TTC17: variants seen among roughly 807,000 people sequenced by gnomAD.
TTC17 encodes the protein tetratricopeptide repeat protein 17.
TTC17 carries 58 observed loss-of-function variants against 143.8 expected under a neutral mutation model. The observed-to-expected ratio is 0.40, with a 90% CI of 0.33 to 0.50. The LOEUF is 0.50. Among genes scored for constraint, TTC17 ranks in the 20% least tolerant of loss-of-function variants. The probability of loss-of-function intolerance (pLI) is 0.49; values close to 1 mark genes in which losing one functional copy is unlikely to be tolerated. For missense variants in TTC17, 1,273 were observed against 1,392.5 expected, an observed-to-expected ratio of 0.91 and a Z score of 1.37; for synonymous variants, 501 against 497.8, an observed-to-expected ratio of 1.01 and a Z score of -0.09.
chr11:43,412,981 G>GAC (rs57982323), intron 15 of TTC17, among the ~76,000 whole-genome samples: 11,818 of 140,250 alleles, frequency 0.084, 601 homozygotes, highest in Admixed American at 0.18. Context: ...ACCTAGAATA[G>GAC]ACACACACAC....
chr11:43,481,508 A>G (rs778771523), intron 21 of TTC17, among the ~76,000 whole-genome samples: 16 of 152,182 alleles, frequency 1.1e-4, no homozygotes, highest in Admixed American at 2.0e-4. Flanking sequence ...ATCTGGTCCT[A>G]GAGTTCTCTT....
chr11:43,358,996 G>T lies in TTC17; in HGVS notation c.42G>T (p.Pro14=). The change falls in exon 1 of 24, where the codon CCG becomes CCT. Residue 14 remains proline, a synonymous_variant. Coordinates refer to ENST00000039989, the MANE Select transcript of TTC17 (RefSeq NM_018259.6). ...GGGTTCGTGGCCGGTACGAGCTGCCGCCTTGCTCCGGCCCAGGCTGGCTCC... is the reference window on the plus strand; with the variant it reads ...GGGTTCGTGGCCGGTACGAGCTGCCTCCTTGCTCCGGCCCAGGCTGGCTCC... ...AVGVRGRYEL[P]PCSGPGWLLS... The T allele has an allele frequency of 6.3e-7, 1 of 1,584,286 alleles. No individual in the cohort carries two copies. The highest frequency in any genetic ancestry group is 8.6e-7 in the Non-Finnish European group (1 of 1,165,996).
chr11:43,402,616 A>G (rs74925921), intron 10 of TTC17, among the ~76,000 whole-genome samples: 12,627 of 152,192 alleles, frequency 0.083, 877 homozygotes, highest in Admixed American at 0.23. Flanking sequence ...GAGCACTGAC[A>G]TGATGCTCAA....
At chr11:43,434,231 ACT>A (rs1302581191) in intron 16 of TTC17, among the ~76,000 whole-genome samples, 30 of 106,508 alleles carry the variant, frequency 2.8e-4, no homozygotes, top group Non-Finnish European at 5.4e-4. Flanking sequence ...ACACACACAC[ACT>A]CTCATGGCCT....
chr11:43,462,031 A>C (rs987094759), intron 21 of TTC17, among the ~76,000 whole-genome samples: 1 of 151,948 alleles, frequency 6.6e-6, no homozygotes, highest in Non-Finnish European at 1.5e-5. Flanking sequence ...AGACCCAAGC[A>C]CATCAGTAGT....
At chr11:43,365,253 A>G (rs1321641536) in intron 1 of TTC17, among the ~76,000 whole-genome samples, 1 of 152,054 alleles carries the variant, frequency 6.6e-6, no homozygotes, top group African/African-American at 2.4e-5. Flanking sequence ...AGTGCATACC[A>G]CCACACCTGG....
chr11:43,358,959 C>T lies in TTC17; in HGVS notation c.5C>T (p.Ala2Val), dbSNP rs934555139. M[A>V]AAVGVRGRYE... The stretch of plus-strand genomic sequence containing the variant: ...CGGCCCGGCCGGGGGGGCAAGATGG[C>T]GGCGGCAGTAGGGGTTCGTGGCCGG... Residue 2 changes from alanine (A) to valine (V), a missense_variant, in exon 1 of 24, where the codon GCG becomes GTG. Ala to Val is a moderately conservative substitution (Grantham distance 64). Transcript: ENST00000039989. The T allele has an allele frequency of 1.9e-6, 3 of 1,571,826 alleles. No homozygotes were observed. Among genetic ancestry groups the T allele is most frequent in the Non-Finnish European group, 1.7e-6 (2 of 1,159,954 alleles).
chr11:43,484,218 A>G (rs538729685), intron 21 of TTC17, among the ~76,000 whole-genome samples: 1 of 152,356 alleles, frequency 6.6e-6, no homozygotes, highest in Non-Finnish European at 1.5e-5. Flanking sequence ...TGATATGATT[A>G]TCTGTATAGT....
At chr11:43,489,567 A>G (rs529122719) in intron 21 of TTC17, among the ~76,000 whole-genome samples, 4 of 152,092 alleles carry the variant, frequency 2.6e-5, no homozygotes, top group South Asian at 4.2e-4. Flanking sequence ...GTGAAACTCT[A>G]TCTCTACTAA....
rs1855975944 is a variant in TTC17 at position 43,358,984 on chromosome 11, G to C, written c.30G>C (p.Arg10=). The change falls in exon 1 of 24, where the codon CGG becomes CGC. Residue 10 remains arginine, a synonymous_variant. Coordinates refer to ENST00000039989, the MANE Select transcript of TTC17 (RefSeq NM_018259.6). ...CGGCGGCAGTAGGGGTTCGTGGCCG[G>C]TACGAGCTGCCGCCTTGCTCCGGCC... MAAAVGVRG[R]YELPPCSGPG... is the part of the protein sequence containing the mutation. 3 of 1,580,608 alleles carry C rather than the reference G, an allele frequency of 1.9e-6. No individual in the cohort carries two copies. In the African/African-American group the frequency reaches 4.2e-5, roughly 22 times the overall value.
At chr11:43,359,785 T>G (rs540585656) in intron 1 of TTC17, among the ~76,000 whole-genome samples, 4 of 152,354 alleles carry the variant, frequency 2.6e-5, no homozygotes, top group Admixed American at 2.6e-4. Context: ...GCACTTTGCT[T>G]TGTTTCTTTA....
At chr11:43,453,692 G>A (rs1227541216) in intron 21 of TTC17, among the ~76,000 whole-genome samples, 2 of 152,160 alleles carry the variant, frequency 1.3e-5, no homozygotes, top group Non-Finnish European at 2.9e-5. Context: ...ATAGAGCCAA[G>A]ACTGAATAAT....
At chr11:43,411,530 G>A (rs1471660616) in intron 15 of TTC17, among the ~76,000 whole-genome samples, 2 of 151,924 alleles carry the variant, frequency 1.3e-5, no homozygotes, top group Non-Finnish European at 2.9e-5. Flanking sequence ...GGTCTATGAA[G>A]GCAGCAGTTA....
At chr11:43,389,192 CG>C (rs913682379) in intron 2 of TTC17, among the ~76,000 whole-genome samples, 8 of 150,888 alleles carry the variant, frequency 5.3e-5, no homozygotes, top group African/African-American at 2.0e-4. Flanking sequence ...ATGATAGATA[CG>C]GGTGGTGAAA....
intron 21 of TTC17, among the ~76,000 whole-genome samples, chr11:43,452,705 G>C (rs1429886629): frequency 1.3e-5 from 2 of 152,124 alleles, no homozygotes; most frequent in African/African-American, 4.8e-5. Flanking sequence ...GGTGGACAAG[G>C]CAGGAGGATC....
rs143010301 is a variant in TTC17 at position 43,379,300 on chromosome 11, T to C, written c.227T>C (p.Val76Ala). Residue 76 changes from valine (V) to alanine (A), a missense_variant, in exon 2 of 24, where the codon GTT becomes GCT. Val to Ala is a moderately conservative substitution (Grantham distance 64). Transcript: ENST00000039989. ...LVILMRQEATVNYLKELEKQL... is the reference protein window; with the variant it reads ...LVILMRQEATANYLKELEKQL... ...ATATTAATGAGACAAGAAGCAACAG[T>C]TAACTACCTCAAAGAATTAGAGGTG... is the stretch of plus-strand genomic sequence containing the variant. The C allele has an allele frequency of 6.5e-5, 104 of 1,611,794 alleles. No individual in the cohort carries two copies. The highest frequency in any genetic ancestry group is 8.5e-5 in the Non-Finnish European group (100 of 1,179,300).
intron 17 of TTC17, 141 bp downstream of exon 17, chr11:43,443,725 T>C (rs912962728): frequency 3.5e-6 from 4 of 1,150,698 alleles, no homozygotes; most frequent in Non-Finnish European, 3.6e-6. Flanking sequence ...TGGAATTTTA[T>C]TGGGAGGAAG....
intron 6 of TTC17, 146 bp from the exon 7 acceptor site, chr11:43,397,201 G>A (rs1857629545): frequency 2.3e-6 from 2 of 864,248 alleles, no homozygotes; most frequent in Non-Finnish European, 3.4e-6. Flanking sequence ...CAGATTAAGA[G>A]CCATCAATAA....
intron 16 of TTC17, among the ~76,000 whole-genome samples, chr11:43,434,211 ACACACACACACACACACACACT>A (rs1357999069): frequency 9.4e-6 from 1 of 106,356 alleles, no homozygotes; most frequent in Non-Finnish European, 2.0e-5. Context: ...ACACACACAC[ACACACACACACACACACACACT>A]CTCATGGCCT....
Sources: allele counts gnomAD v4.1 joint callset (sites outside exome capture counted in the v4.1 genomes callset), GRCh38; gene constraint gnomAD v4.1.1; transcripts MANE v1.5; gene names NCBI Gene and HGNC (gene_info 2026-07-23, HGNC 2026-07-21).